RAP1GDS1: variants seen among roughly 807,000 people sequenced by gnomAD.
RAP1GDS1 encodes the protein RAP1, GTP-GDP dissociation stimulator 1.
A neutral mutation model predicts 71.1 loss-of-function variants in RAP1GDS1; 35 were observed. The observed-to-expected ratio is 0.49, with a 90% CI of 0.38 to 0.65. The LOEUF is 0.65. Among genes scored for constraint, RAP1GDS1 ranks in the 30% least tolerant of loss-of-function variants. The pLI, the probability that RAP1GDS1 is intolerant of heterozygous loss-of-function variation, is 0.00. For missense variants in RAP1GDS1, 663 were observed against 706.1 expected, an observed-to-expected ratio of 0.94 and a Z score of 0.69; for synonymous variants, 229 against 243.1, an observed-to-expected ratio of 0.94 and a Z score of 0.54.
Position 98,317,925 on chromosome 4 carries a change from C to G in RAP1GDS1, c.112+24410C>G, listed in dbSNP as rs532584475. ...GGTGTGATCTTGGCTTACTGCAACC[C>G]TCTGCCTCCTGGGTTCAACTGATTC... On this transcript the variant is annotated intron_variant, in intron 2 of 14. Coordinates refer to ENST00000408927, the MANE Select transcript of RAP1GDS1 (RefSeq NM_001100427.2). 2.2e-4 allele frequency among the ~76,000 whole-genome samples: 33 copies of G among 151,428 alleles called. No individual in the cohort carries two copies. The South Asian group carries it at 6.5e-3, about 30-fold the overall frequency.
At chr4:98,407,119 A>G (rs1172461789) in intron 7 of RAP1GDS1, among the ~76,000 whole-genome samples, 1 of 152,120 alleles carries the variant, frequency 6.6e-6, no homozygotes, top group Non-Finnish European at 1.5e-5. Context: ...TAATTTTTCA[A>G]CCCTCACCTT....
intron 5 of RAP1GDS1, among the ~76,000 whole-genome samples, chr4:98,384,357 C>T (rs1193373334): frequency 1.3e-5 from 2 of 151,364 alleles, no homozygotes; most frequent in African/African-American, 4.8e-5. Flanking sequence ...AACTGTTGTT[C>T]TTTATTTACT....
At chr4:98,303,841 G>A (rs1462399962) in intron 2 of RAP1GDS1, among the ~76,000 whole-genome samples, 1 of 151,842 alleles carries the variant, frequency 6.6e-6, no homozygotes, top group Non-Finnish European at 1.5e-5. Flanking sequence ...TGTTTATCCT[G>A]ATGCTCTCCC....
At chr4:98,419,194 T>TACAG (rs1351124306) in intron 10 of RAP1GDS1, among the ~76,000 whole-genome samples, 1 of 151,936 alleles carries the variant, frequency 6.6e-6, no homozygotes, top group Non-Finnish European at 1.5e-5. Context: ...GAACAGGGAC[T>TACAG]ACAGGCATGT....
At chr4:98,285,339 G>C (rs1725813166) in intron 1 of RAP1GDS1, among the ~76,000 whole-genome samples, 1 of 152,124 alleles carries the variant, frequency 6.6e-6, no homozygotes, top group Non-Finnish European at 1.5e-5. Context: ...TTAATTGACT[G>C]TTCTAGCAGC....
intron 2 of RAP1GDS1, among the ~76,000 whole-genome samples, chr4:98,300,567 T>G (rs551658091): frequency 6.6e-6 from 1 of 152,110 alleles, no homozygotes; most frequent in Admixed American, 6.6e-5. Flanking sequence ...ACCCAGCTAA[T>G]TTTTTGTATT....
At chr4:98,431,581 A>G (rs1238955242) in intron 12 of RAP1GDS1, among the ~76,000 whole-genome samples, 2 of 152,204 alleles carry the variant, frequency 1.3e-5, no homozygotes, top group Non-Finnish European at 2.9e-5. Flanking sequence ...AAGACCCACT[A>G]ATCAGCCAAA....
intron 4 of RAP1GDS1, among the ~76,000 whole-genome samples, chr4:98,369,827 T>G (rs879859776): frequency 6.6e-6 from 1 of 152,182 alleles, no homozygotes; most frequent in Non-Finnish European, 1.5e-5. Flanking sequence ...TTTAAATCTG[T>G]GTAGTTTATT....
rs138081036 is a variant in RAP1GDS1, at chr4:98,392,265, T to G, written c.637+185T>G. 1.5e-3 allele frequency: 709 copies of G among 487,920 alleles called. 3 individuals are homozygous for G. The highest frequency in any genetic ancestry group is 0.013 in the African/African-American group (630 of 50,132). 30.2% of individuals were successfully genotyped at this position (487,920 alleles called of 1,614,324 possible). A position where few individuals can be genotyped will look rare whatever the true frequency, so the allele number is the denominator to read the frequency against. ...AATTAGATCTTATGATTGCATTGTT[T>G]ATGAGAGCGTTTTATTTCCCTAATA... On this transcript the variant is annotated intron_variant, in intron 6 of 14. Coordinates refer to ENST00000408927, the MANE Select transcript of RAP1GDS1 (RefSeq NM_001100427.2).
At chr4:98,357,731 T>G (rs1321216352) in intron 4 of RAP1GDS1, among the ~76,000 whole-genome samples, 2 of 151,882 alleles carry the variant, frequency 1.3e-5, no homozygotes, top group Non-Finnish European at 2.9e-5. Flanking sequence ...GAAAAGAATT[T>G]GTTTACAAAT....
At chr4:98,337,641 A>C (rs1734892200) in intron 2 of RAP1GDS1, among the ~76,000 whole-genome samples, 1 of 152,226 alleles carries the variant, frequency 6.6e-6, no homozygotes. Context: ...TGTTTATGGA[A>C]GTCAGATAAC....
intron 3 of RAP1GDS1, among the ~76,000 whole-genome samples, chr4:98,352,005 T>C (rs901506495): frequency 3.3e-5 from 5 of 150,122 alleles, no homozygotes; most frequent in African/African-American, 1.2e-4. Flanking sequence ...TGTATATACT[T>C]ATATTTATAT....
chr4:98,331,404 A>G (rs546635035), intron 2 of RAP1GDS1, among the ~76,000 whole-genome samples: 1 of 151,596 alleles, frequency 6.6e-6, no homozygotes, highest in Admixed American at 6.5e-5. Context: ...GAAGGTAAAT[A>G]CTTTTATAAA....
chr4:98,401,190 G>T (rs1222915096), intron 6 of RAP1GDS1, among the ~76,000 whole-genome samples: 1 of 152,188 alleles, frequency 6.6e-6, no homozygotes, highest in Non-Finnish European at 1.5e-5. Flanking sequence ...GTTCTTACAG[G>T]AAATGAAATT....
chr4:98,376,704 A>G (rs920335385), intron 4 of RAP1GDS1, among the ~76,000 whole-genome samples: 4 of 152,034 alleles, frequency 2.6e-5, no homozygotes, highest in Admixed American at 6.6e-5. Flanking sequence ...AACCCAGATC[A>G]CTATTATTGT....
At chr4:98,282,861 C>T (rs953711069) in intron 1 of RAP1GDS1, among the ~76,000 whole-genome samples, 7 of 152,014 alleles carry the variant, frequency 4.6e-5, no homozygotes, top group African/African-American at 7.2e-5. Context: ...TTATTTCTGC[C>T]GTCACTTTGT....
In RAP1GDS1 at chr4:98,286,881, C is replaced by T. The variant is rs1244797254; in HGVS notation, c.5-6527C>T. ...AGCCTGGGCAACGAGAGTGAAACTC[C>T]GTCTTAAAAAAAAAAAAAAAAAAAA... On this transcript the variant is annotated intron_variant, in intron 1 of 14. Coordinates refer to ENST00000408927, the MANE Select transcript of RAP1GDS1 (RefSeq NM_001100427.2). 4.8e-5 allele frequency among the ~76,000 whole-genome samples: 6 copies of T among 125,412 alleles called. No individual in the cohort carries two copies. The East Asian group carries it at 6.4e-4, about 13-fold the overall frequency. The allele number at this position is 125,412 out of a possible 152,430, so 82.3% of individuals were successfully genotyped here. A position where few individuals can be genotyped will look rare whatever the true frequency, so the allele number is the denominator to read the frequency against.
At chr4:98,419,903 C>T in intron 10 of RAP1GDS1, 116 bp from the exon 11 acceptor site, 1 of 1,117,360 alleles carries the variant, frequency 8.9e-7, no homozygotes, top group African/African-American at 1.6e-5. Flanking sequence ...AAGATTGTTT[C>T]TAAATGGAAA....
At chr4:98,347,618 G>A (rs550955138) in intron 3 of RAP1GDS1, among the ~76,000 whole-genome samples, 20 of 152,160 alleles carry the variant, frequency 1.3e-4, no homozygotes, top group African/African-American at 4.3e-4. Flanking sequence ...ATCCACTAAC[G>A]TTGATTTCTA....
Sources: allele counts gnomAD v4.1 joint callset (sites outside exome capture counted in the v4.1 genomes callset), GRCh38; gene constraint gnomAD v4.1.1; transcripts MANE v1.5; gene names NCBI Gene and HGNC (gene_info 2026-07-23, HGNC 2026-07-21).